Variants in SLX4IP observed in about 807,000 individuals in gnomAD.
The protein encoded by SLX4IP is protein SLX4IP.
Under a neutral mutation model 32.9 loss-of-function variants are expected in SLX4IP, and 34 were observed. That is an observed-to-expected ratio of 1.03 (90% confidence interval 0.79 to 1.38). SLX4IP has a LOEUF of 1.38. Among genes scored for constraint, SLX4IP ranks in the 40% most tolerant of loss-of-function variants. The pLI, the probability that SLX4IP is intolerant of heterozygous loss-of-function variation, is 0.00. For missense variants in SLX4IP, 444 were observed against 479.0 expected (o/e 0.93, Z 0.68); for synonymous variants, 172 against 171.7 (o/e 1.00, Z -0.01).
At chr20:10,596,233 G>A (rs1044711437) in intron 4 of SLX4IP, among the ~76,000 whole-genome samples, 15 of 150,682 alleles carry the variant, frequency 1.0e-4, no homozygotes, top group African/African-American at 1.5e-4. Flanking sequence ...TGATAATAAC[G>A]TTTTTTTTTA....
chr20:10,459,992 A>G (rs768264899), intron 2 of SLX4IP, among the ~76,000 whole-genome samples: 5 of 152,190 alleles, frequency 3.3e-5, no homozygotes, highest in Non-Finnish European at 1.5e-5. Context: ...GCTCTGTCTT[A>G]TTTTTAACCA....
chr20:10,442,143 G>A (rs146130131), intron 1 of SLX4IP, among the ~76,000 whole-genome samples: 1 of 152,140 alleles, frequency 6.6e-6, no homozygotes, highest in African/African-American at 2.4e-5. Flanking sequence ...GTTAATTTCT[G>A]GTCTATTTAA....
At chr20:10,476,277 G>A (rs1026777658) in intron 2 of SLX4IP, among the ~76,000 whole-genome samples, 5 of 152,206 alleles carry the variant, frequency 3.3e-5, no homozygotes, top group South Asian at 2.1e-4. Flanking sequence ...TTGTGAGTTG[G>A]GAGAGGACCC....
chr20:10,504,258 C>A (rs924306298), intron 2 of SLX4IP, among the ~76,000 whole-genome samples: 2 of 152,116 alleles, frequency 1.3e-5, no homozygotes, highest in African/African-American at 4.8e-5. Context: ...GACAAGCATA[C>A]CTTCTGTCTC....
intron 2 of SLX4IP, among the ~76,000 whole-genome samples, chr20:10,518,415 C>CCTTA (rs2065869874): frequency 8.5e-6 from 1 of 118,316 alleles, no homozygotes; most frequent in Non-Finnish European, 1.9e-5. Flanking sequence ...TTCCTTCCTT[C>CCTTA]CTTCCTTCCC....
chr20:10,452,680 A>AAATATATATATATATATATATATAT (rs1326662021), intron 1 of SLX4IP, among the ~76,000 whole-genome samples: 37 of 109,478 alleles, frequency 3.4e-4, no homozygotes, highest in African/African-American at 1.2e-3. Context: ...AAAAAAAAAA[A>AAATATATATATATATATATATATAT]ATATATATAT....
At chr20:10,511,943 G>A (rs748341060) in intron 2 of SLX4IP, among the ~76,000 whole-genome samples, 16 of 152,228 alleles carry the variant, frequency 1.1e-4, no homozygotes, top group Non-Finnish European at 8.8e-5. Flanking sequence ...CATAAGAGAA[G>A]TAATTTGGTA....
At chr20:10,580,123 C>T (rs539897072) in intron 4 of SLX4IP, among the ~76,000 whole-genome samples, 217 of 152,292 alleles carry the variant, frequency 1.4e-3, no homozygotes, top group African/African-American at 5.0e-3. Context: ...TGTGGTGAGT[C>T]ACCAGTATTT....
chr20:10,493,357 A>G (rs572064020), intron 2 of SLX4IP, among the ~76,000 whole-genome samples: 1 of 152,304 alleles, frequency 6.6e-6, no homozygotes, highest in East Asian at 1.9e-4. Context: ...TTGCTACTAT[A>G]AATTGGATAT....
At chr20:10,530,168 C>T (rs1254448886) in intron 2 of SLX4IP, among the ~76,000 whole-genome samples, 2 of 152,154 alleles carry the variant, frequency 1.3e-5, no homozygotes, top group Non-Finnish European at 2.9e-5. Context: ...GCTGCCTGCC[C>T]CAGAGTAAGG....
chr20:10,549,501 C>A (rs1451187848), intron 2 of SLX4IP, among the ~76,000 whole-genome samples: 2 of 152,176 alleles, frequency 1.3e-5, no homozygotes, highest in African/African-American at 2.4e-5. Flanking sequence ...CATTGCTCAC[C>A]TAGAGGGGAT....
chr20:10,585,479 G>A (rs2066635476), intron 4 of SLX4IP, among the ~76,000 whole-genome samples: 1 of 152,132 alleles, frequency 6.6e-6, no homozygotes, highest in African/African-American at 2.4e-5. Flanking sequence ...AGTTGCTTCA[G>A]TAGATCTGCA....
chr20:10,522,988 C>T (rs897224101), intron 2 of SLX4IP, among the ~76,000 whole-genome samples: 6 of 152,188 alleles, frequency 3.9e-5, no homozygotes, highest in African/African-American at 1.4e-4. Context: ...GATCATCCTG[C>T]AGTTTCTCCT....
chr20:10,553,597 G>A (rs2066238862), intron 2 of SLX4IP, among the ~76,000 whole-genome samples: 1 of 152,180 alleles, frequency 6.6e-6, no homozygotes, highest in South Asian at 2.1e-4. Context: ...ACCAACAGTT[G>A]AGAAGGACTT....
chr20:10,518,544 TCCTTCC>T (rs2065878390), intron 2 of SLX4IP, among the ~76,000 whole-genome samples: 1 of 91,026 alleles, frequency 1.1e-5, no homozygotes, highest in East Asian at 2.5e-4. Flanking sequence ...CTTCCTTCCT[TCCTTCC>T]TTTCCTTCTT....
chr20:10,525,201 A>G (rs1887496839), intron 2 of SLX4IP, among the ~76,000 whole-genome samples: 1 of 152,234 alleles, frequency 6.6e-6, no homozygotes, highest in South Asian at 2.1e-4. Flanking sequence ...CATTTAAAAC[A>G]TGAAATAGCA....
intron 2 of SLX4IP, among the ~76,000 whole-genome samples, chr20:10,549,362 T>C (rs984177001): frequency 2.0e-5 from 3 of 151,978 alleles, no homozygotes; most frequent in Non-Finnish European, 4.4e-5. Flanking sequence ...GCTCTCCGTA[T>C]CTGTGTTGGA....
At chr20:10,458,593 A>G (rs2065308471) in intron 2 of SLX4IP, among the ~76,000 whole-genome samples, 1 of 151,744 alleles carries the variant, frequency 6.6e-6, no homozygotes, top group African/African-American at 2.4e-5. Flanking sequence ...GCTCCCACTT[A>G]TAAGTTAGAC....
At chr20:10,458,814 A>T (rs570632447) in intron 2 of SLX4IP, among the ~76,000 whole-genome samples, 1 of 152,278 alleles carries the variant, frequency 6.6e-6, no homozygotes, top group South Asian at 2.1e-4. Context: ...CTAGTGCTGC[A>T]ATGAACATAC....
Sources: gnomAD v4.1 joint callset for allele counts (sites outside exome capture counted in the v4.1 genomes callset) on GRCh38, gnomAD v4.1.1 for gene constraint, MANE v1.5 for transcripts, NCBI Gene and HGNC (gene_info 2026-07-23, HGNC 2026-07-21) for gene names.